Variants in HK3 observed in about 807,000 individuals in gnomAD.
HK3 encodes the protein hexokinase-3.
Under a neutral mutation model 91.0 loss-of-function variants are expected in HK3, and 93 were observed. The observed-to-expected ratio is 1.02, with a 90% confidence interval of 0.86 to 1.21. The LOEUF is 1.21. HK3 is among the 50% of genes most tolerant of loss of function. The pLI, the probability that HK3 is intolerant of heterozygous loss-of-function variation, is 0.00. For missense variants in HK3, 1,235 were observed against 1,247.4 expected (o/e 0.99, Z 0.15); for synonymous variants, 519 against 516.9 (o/e 1.00, Z -0.06).
At chr5:176,891,610 C>T (rs767339270) in intron 2 of HK3, 60 bp from the exon 3 acceptor site, 23 of 1,543,964 alleles carry the variant, frequency 1.5e-5, no homozygotes, top group Non-Finnish European at 2.0e-5. Flanking sequence ...AGACTCCCCA[C>T]CTCCAAACAA....
chr5:176,888,988 G>A, intron 8 of HK3, 124 bp from the exon 9 acceptor site: 2 of 1,068,278 alleles, frequency 1.9e-6, no homozygotes, highest in Non-Finnish European at 1.3e-6. Flanking sequence ...GACTCCAGAA[G>A]CAACGAATAG....
rs1041601487 is a variant in HK3 at position 176,884,638 on chromosome 5, G to A, written c.1858-504C>T. ...CTCATGTGTTCCAAATGCAGGGGCA[G>A]GAGGAATGGAAAAGCCAGAACCCAG... On this transcript the variant is annotated intron_variant, in intron 13 of 18. Coordinates refer to ENST00000292432, the MANE Select transcript of HK3 (RefSeq NM_002115.3). The surrounding 1 kb of genome is among the most constrained non-coding windows in gnomAD (Gnocchi z 4.1). Among the ~76,000 whole-genome samples, 5 of 152,238 alleles carry A rather than the reference G, an allele frequency of 3.3e-5. No homozygotes were observed. The highest frequency in any genetic ancestry group is 5.9e-5 in the Non-Finnish European group (4 of 68,040).
chr5:176,886,956 G>C (rs368574792), intron 13 of HK3, 46 bp downstream of exon 13: 12 of 1,609,752 alleles, frequency 7.5e-6, no homozygotes, highest in Non-Finnish European at 1.0e-5. Flanking sequence ...AAGGGTATGT[G>C]GGGGCAGGAG....
Position 176,881,786 on chromosome 5 carries a change from A to C in HK3, c.2299T>G (p.Leu767Val), listed in dbSNP as rs1758438363. ...GEIVRHILLH[L>V]TSLGVLFRGQ... is the part of the protein sequence containing the mutation. Reference sequence around the variant, plus strand: ...CGGAAGAGAACGCCAAGGCTGGTTAAATGTAAAAGGATGTGGCGGACGATC... The same window carrying C: ...CGGAAGAGAACGCCAAGGCTGGTTACATGTAAAAGGATGTGGCGGACGATC... The change falls in exon 17 of 19, where the codon TTA becomes GTA. Residue 767 changes from leucine to valine, a missense_variant. Physicochemically the swap from Leu to Val is conservative, Grantham distance 32 (BLOSUM62 1). Around this residue, in one of 3 missense-constraint regions of HK3, gnomAD observed 513 missense variants for 477.4 expected, o/e 1.07. Transcript: ENST00000292432. The C allele has an allele frequency of 4.3e-6, 7 of 1,614,008 alleles. No individual in the cohort carries two copies. Among genetic ancestry groups the C allele is most frequent in the Non-Finnish European group, 5.9e-6 (7 of 1,180,036 alleles).
At chr5:176,886,585 A>C (rs530625585) in intron 13 of HK3, among the ~76,000 whole-genome samples, 32 of 152,048 alleles carry the variant, frequency 2.1e-4, no homozygotes, top group African/African-American at 7.5e-4. Flanking sequence ...GCACTCTGCC[A>C]CCCTAGTCAT....
At chr5:176,892,550 G>A (rs1470875667) in intron 2 of HK3, among the ~76,000 whole-genome samples, 2 of 152,054 alleles carry the variant, frequency 1.3e-5, no homozygotes, top group African/African-American at 4.8e-5. Flanking sequence ...TCCCCTAGAT[G>A]ACTCTCTCAC....
chr5:176,896,002 C>T (rs1758901918), intron 2 of HK3, 62 bp downstream of exon 2: 2 of 1,386,934 alleles, frequency 1.4e-6, no homozygotes, highest in East Asian at 2.3e-5. Context: ...ATGGCAGCTT[C>T]AGTCACGCTG....
At chr5:176,891,323 T>C in intron 3 of HK3, 65 bp downstream of exon 3, 2 of 1,607,310 alleles carry the variant, frequency 1.2e-6, no homozygotes. Flanking sequence ...ATAAGGAACG[T>C]TTCCCTCCCC....
chr5:176,889,036 C>T (rs1052791015), intron 8 of HK3, among the ~76,000 whole-genome samples, 172 bp from the exon 9 acceptor site: 3 of 152,242 alleles, frequency 2.0e-5, no homozygotes, highest in Non-Finnish European at 2.9e-5. Context: ...CCAGACCCCA[C>T]TGCCCCCTCT....
Position 176,887,334 on chromosome 5 carries a change from C to T in HK3, c.1604G>A (p.Arg535Gln), listed in dbSNP as rs866293926. The stretch of plus-strand genomic sequence containing the variant: ...GAGGTCCAGGGCCAGGAAATCCCCT[C>T]GCTCTGTGGGGGCAGAGACCCTCAG... ...FVRATPDGSE[R>Q]GDFLALDLGG... is the part of the protein sequence containing the mutation. The change falls in exon 12 of 19, where the codon CGA becomes CAA. Residue 535 changes from arginine (R) to glutamine (Q), a missense_variant. By Grantham distance (43) the Arg-to-Gln change is conservative. This residue lies in a region of HK3 where 717 missense variants were observed against 751.6 expected (regional missense o/e 0.95). Transcript: ENST00000292432. The surrounding 1 kb of genome is among the most constrained non-coding windows in gnomAD (Gnocchi z 4.9). 2.5e-6 allele frequency: 4 copies of T among 1,613,928 alleles called. No homozygotes were observed. Among genetic ancestry groups the T allele is most frequent in the Middle Eastern group, 1.6e-4 (1 of 6,062 alleles).
Position 176,891,537 on chromosome 5 carries a change from A to G in HK3, c.110T>C (p.Leu37Pro), listed in dbSNP as rs1354401039. ...TGCCCTTGTCACCTTGAACTGCTGC[A>G]GGCACTCCTGCACCTGGGGAGAAAC... ...SDSSELVQEC[L>P]QQFKVTRAQL... The change falls in exon 3 of 19, where the codon CTG becomes CCG. Residue 37 changes from leucine to proline, a missense_variant. Coordinates refer to ENST00000292432, the MANE Select transcript of HK3 (RefSeq NM_002115.3). The G allele has an allele frequency of 5.0e-6, 8 of 1,612,630 alleles. No individual in the cohort carries two copies. The highest frequency in any genetic ancestry group is 5.1e-6 in the Non-Finnish European group (6 of 1,179,288).
chr5:176,882,035 C>A lies in HK3; in HGVS notation c.2146G>T (p.Gly716Cys). The A allele has an allele frequency of 6.2e-7, 1 of 1,613,222 alleles. No homozygotes were observed. Among genetic ancestry groups the A allele is most frequent in the Non-Finnish European group, 8.5e-7 (1 of 1,180,020 alleles). ...SGRMCINMEW[G>C]AFGDDGSLAM... ...AGAGAGCCATCGTCCCCAAAGGCGCCCCACTCCATGTTGATGCACATGCGG... is the reference window on the plus strand; with the variant it reads ...AGAGAGCCATCGTCCCCAAAGGCGCACCACTCCATGTTGATGCACATGCGG... Residue 716 changes from glycine to cysteine, a missense_variant, in exon 16 of 19, where the codon GGC becomes TGC. Gly to Cys is a radical substitution (Grantham distance 159, BLOSUM62 -3). This residue lies in a region of HK3 where 513 missense variants were observed against 477.4 expected (regional missense o/e 1.07). Transcript: ENST00000292432.
At chr5:176,888,285 A>G in intron 10 of HK3, 47 bp downstream of exon 10, 2 of 1,474,916 alleles carry the variant, frequency 1.4e-6, no homozygotes, top group Non-Finnish European at 9.3e-7. Context: ...TGTATCACAC[A>G]CACGTGTTCA....
intron 1 of HK3, 65 bp downstream of exon 1, chr5:176,899,202 A>C (rs778546922): frequency 6.6e-6 from 1 of 152,242 alleles, no homozygotes; most frequent in African/African-American, 2.4e-5. Context: ...GTGTGAGCCA[A>C]ACAGGAGGGA....
intron 15 of HK3, 133 bp from the exon 16 acceptor site, chr5:176,882,260 C>A: frequency 1.1e-6 from 1 of 937,840 alleles, no homozygotes; most frequent in South Asian, 1.6e-5. Context: ...TGTCCCTGGT[C>A]CTGGTCCTTC....
intron 2 of HK3, among the ~76,000 whole-genome samples, chr5:176,892,684 T>C (rs906806592): frequency 6.6e-6 from 1 of 152,152 alleles, no homozygotes; most frequent in Non-Finnish European, 1.5e-5. Flanking sequence ...GGAGTTCCAT[T>C]TCAATGACCT....
Position 176,881,529 on chromosome 5 carries a change from G to C in HK3, c.2400C>G (p.Ser800Arg), listed in dbSNP as rs1215588330. The stretch of plus-strand genomic sequence containing the variant: ...TGGCTCGGACCTGCCGCAGGGCCAG[G>C]CTGTCACTGGGGGCCAGGAAGGAAG... The part of the protein sequence containing the change: ...TKFLSEIESD[S>R]LALRQVRAIL... Residue 800 changes from serine to arginine, a missense_variant, in exon 18 of 19, where the codon AGC (serine) becomes AGG (arginine). This residue lies in a region of HK3 where 513 missense variants were observed against 477.4 expected (regional missense o/e 1.07). Coordinates refer to ENST00000292432, the MANE Select transcript of HK3 (RefSeq NM_002115.3). 6.2e-7 allele frequency: 1 copy of C among 1,602,132 alleles called. No homozygotes were observed. The highest frequency in any genetic ancestry group is 2.2e-5 in the East Asian group (1 of 44,744).
At chr5:176,895,647 A>G (rs912892404) in intron 2 of HK3, among the ~76,000 whole-genome samples, 2 of 152,206 alleles carry the variant, frequency 1.3e-5, no homozygotes, top group South Asian at 4.1e-4. Context: ...TGAGGGAGAC[A>G]TGCAGGAGGA....
chr5:176,898,742 C>A (rs1382851391), intron 1 of HK3, among the ~76,000 whole-genome samples: 1 of 152,190 alleles, frequency 6.6e-6, no homozygotes. Flanking sequence ...GCCTAAGGGC[C>A]CCGTGGCTTC....
Sources: allele counts gnomAD v4.1 joint callset (sites outside exome capture counted in the v4.1 genomes callset), GRCh38; gene constraint gnomAD v4.1.1; regional missense constraint gnomAD v4.1.1; non-coding constraint Gnocchi (gnomAD v3.1); transcripts MANE v1.5; gene names NCBI Gene and HGNC (gene_info 2026-07-23, HGNC 2026-07-21).